The following CLASP1 variants were observed in gnomAD, a reference collection of about 807,000 sequenced individuals.
CLASP1 encodes CLIP-associating protein 1.
CLASP1 carries 38 observed loss-of-function variants against 192.3 expected under a neutral mutation model. The ratio of observed to expected loss-of-function variants is 0.20; its 90% CI spans 0.15 to 0.26. CLASP1 has a LOEUF of 0.26. Among genes scored for constraint, CLASP1 ranks in the 10% least tolerant of loss-of-function variants. The pLI, the probability that CLASP1 is intolerant of heterozygous loss-of-function variation, is 1.00. For missense variants in CLASP1, 1,433 were observed against 1,932.5 expected, an observed-to-expected ratio of 0.74 and a Z score of 4.85; for synonymous variants, 691 against 712.8, an observed-to-expected ratio of 0.97 and a Z score of 0.49.
At chr2:121,641,222 C>T (rs1317454005) in intron 1 of CLASP1, among the ~76,000 whole-genome samples, 2 of 152,044 alleles carry the variant, frequency 1.3e-5, no homozygotes, top group Admixed American at 6.6e-5. Context: ...GTAACAGAGT[C>T]TGCCTCTACC....
intron 15 of CLASP1, among the ~76,000 whole-genome samples, chr2:121,451,514 A>C (rs1266987939): frequency 6.6e-6 from 1 of 152,244 alleles, no homozygotes; most frequent in African/African-American, 2.4e-5. Context: ...GGGAACTGAC[A>C]GGAATGTCAA....
intron 1 of CLASP1, among the ~76,000 whole-genome samples, chr2:121,615,663 A>C (rs2066328514): frequency 6.6e-6 from 1 of 152,170 alleles, no homozygotes; most frequent in African/African-American, 2.4e-5. Flanking sequence ...ACACGCCTGT[A>C]ATCTCAGCTA....
chr2:121,357,904 C>T (rs149250959), intron 37 of CLASP1, among the ~76,000 whole-genome samples: 1 of 152,222 alleles, frequency 6.6e-6, no homozygotes, highest in Non-Finnish European at 1.5e-5. Context: ...CCTATGTGCT[C>T]CTTTTCAGCC....
chr2:121,373,990 A>C (rs2069358050), intron 34 of CLASP1, among the ~76,000 whole-genome samples: 1 of 152,276 alleles, frequency 6.6e-6, no homozygotes, highest in Non-Finnish European at 1.5e-5. Flanking sequence ...TGCACAAATA[A>C]TTAAAAGCCG....
chr2:121,430,022 G>A (rs2081121420), intron 20 of CLASP1, 51 bp downstream of exon 20: 15 of 1,311,152 alleles, frequency 1.1e-5, no homozygotes, highest in East Asian at 1.0e-4. Flanking sequence ...ACTGCAGAAT[G>A]AGCTGTTGAA....
At position 121,538,165 on chromosome 2, in the gene CLASP1, G is replaced by C. The variant is rs554709194; in HGVS notation, c.196-7840C>G. On this transcript the variant is annotated intron_variant, in intron 2 of 39. Transcript: ENST00000263710. ...TGTGGTGGCTCAGCCTGTAATCCCA[G>C]CACTTTGGGAGGCCAAGGCAGGTGG... Among the ~76,000 whole-genome samples the C allele has an allele frequency of 4.6e-5, 7 of 152,254 alleles. No individual in the cohort carries two copies. In the East Asian group the frequency reaches 1.4e-3, roughly 29 times the overall value.
chr2:121,555,360 C>G (rs1295734504), intron 2 of CLASP1, among the ~76,000 whole-genome samples: 1 of 152,202 alleles, frequency 6.6e-6, no homozygotes, highest in Non-Finnish European at 1.5e-5. Context: ...ACCTATTATA[C>G]TGTTCTAGCA....
rs62151061 is a variant in CLASP1 at position 121,430,992 on chromosome 2, T to A, written c.1913-815A>T. 4.0e-4 allele frequency among the ~76,000 whole-genome samples: 54 copies of A among 134,760 alleles called. 1 individual carries two copies. The highest frequency in any genetic ancestry group is 3.3e-4 in the African/African-American group (12 of 36,852). 88.4% of individuals were successfully genotyped at this position (134,760 alleles called of 152,430 possible). ...ATTAAACTTTAAAAAAAAAAAAAAA[T>A]AGGCCTTTTTGGTTTCGAGGGAGCA... is the stretch of plus-strand genomic sequence containing the variant. On this transcript the variant is annotated intron_variant, in intron 19 of 39. Coordinates refer to ENST00000263710, the Ensembl canonical transcript of CLASP1.
At chr2:121,556,095 G>A (rs758647183) in intron 2 of CLASP1, among the ~76,000 whole-genome samples, 39 of 139,102 alleles carry the variant, frequency 2.8e-4, no homozygotes, top group Admixed American at 1.8e-3. Context: ...GCAAATTCTC[G>A]GCCTCAGCCT....
rs544878934 is a variant in CLASP1 at position 121,615,104 on chromosome 2, C to T, written c.-285-8924G>A. ...CCTGTAATCCCAGCACTTTGGGAGGCCAAAGTGGGCAGATCACCTGAGGTC... is the reference window on the plus strand; with the variant it reads ...CCTGTAATCCCAGCACTTTGGGAGGTCAAAGTGGGCAGATCACCTGAGGTC... On this transcript the variant is annotated intron_variant, in intron 1 of 39. Transcript: ENST00000263710. Among the ~76,000 whole-genome samples, 34 of 152,252 alleles carry T rather than the reference C, an allele frequency of 2.2e-4. 1 individual carries two copies. In the South Asian group the frequency reaches 6.4e-3, roughly 29 times the overall value.
chr2:121,465,354 C>T (rs1316872978), intron 9 of CLASP1, among the ~76,000 whole-genome samples: 1 of 152,172 alleles, frequency 6.6e-6, no homozygotes, highest in Non-Finnish European at 1.5e-5. Context: ...ACAAAAATCA[C>T]AAGCATTCTT....
intron 2 of CLASP1, among the ~76,000 whole-genome samples, chr2:121,542,889 A>C (rs2095262116): frequency 6.6e-6 from 1 of 152,216 alleles, no homozygotes; most frequent in South Asian, 2.1e-4. Flanking sequence ...ACTAGGAGAC[A>C]AGGTTTAAAA....
chr2:121,563,431 T>C (rs1288792041), intron 2 of CLASP1, among the ~76,000 whole-genome samples: 2 of 152,152 alleles, frequency 1.3e-5, no homozygotes, highest in African/African-American at 4.8e-5. Context: ...CATCACCTCT[T>C]CCATTCCAGA....
At chr2:121,488,825 G>A (rs900194521) in intron 8 of CLASP1, among the ~76,000 whole-genome samples, 2 of 152,156 alleles carry the variant, frequency 1.3e-5, no homozygotes, top group African/African-American at 2.4e-5. Context: ...TTTAATCCTT[G>A]TTTCCTATCA....
At chr2:121,387,092 C>A in intron 32 of CLASP1, 30 bp downstream of exon 33, 3 of 1,562,916 alleles carry the variant, frequency 1.9e-6, no homozygotes, top group Non-Finnish European at 2.6e-6. Context: ...AGTTTCTTTA[C>A]ATCTGTGGAA....
intron 8 of CLASP1, among the ~76,000 whole-genome samples, chr2:121,486,195 G>A (rs929652381): frequency 1.3e-5 from 2 of 152,194 alleles, no homozygotes; most frequent in South Asian, 2.1e-4. Flanking sequence ...TTAGAGAATA[G>A]TAGGACATTG....
At chr2:121,424,456 A>G (rs1439229987) in intron 22 of CLASP1, among the ~76,000 whole-genome samples, 1 of 152,232 alleles carries the variant, frequency 6.6e-6, no homozygotes, top group East Asian at 1.9e-4. Context: ...TAGAGTATGA[A>G]TTTAGATTTT....
intron 37 of CLASP1, among the ~76,000 whole-genome samples, chr2:121,355,424 C>T (rs889259285): frequency 2.6e-5 from 4 of 152,126 alleles, no homozygotes; most frequent in South Asian, 2.1e-4. Flanking sequence ...CCACCACGCC[C>T]GGATGATCAA....
chr2:121,457,454 G>GACACACAC lies in CLASP1; in HGVS notation c.1385+232_1385+233insGTGTGTGT, dbSNP rs753105912. Among the ~76,000 whole-genome samples, 58 of 131,790 alleles carry GACACACAC rather than the reference G, an allele frequency of 4.4e-4. No individual in the cohort carries two copies. The East Asian group carries it at 8.1e-3, about 18-fold the overall frequency. The allele number at this position is 131,790 out of a possible 152,430, so 86.5% of individuals were successfully genotyped here. A position where few individuals can be genotyped will look rare whatever the true frequency, so the allele number is the denominator to read the frequency against. ...ACCCAAACTCACTTTCTCTCACACA[G>GACACACAC]ACATACACACACACACACACACACA... On this transcript the variant is annotated intron_variant, in intron 14 of 39. Transcript: ENST00000263710.
Sources: gnomAD v4.1 joint callset for allele counts (sites outside exome capture counted in the v4.1 genomes callset) on GRCh38, gnomAD v4.1.1 for gene constraint, MANE v1.5 for transcripts, NCBI Gene and HGNC (gene_info 2026-07-23, HGNC 2026-07-21) for gene names.